The following PXDN variants were observed in gnomAD, a reference collection of about 807,000 sequenced individuals.
The protein encoded by PXDN is peroxidasin.
In PXDN, 77 loss-of-function variants were observed where a neutral mutation model predicts 140.3. The ratio of observed to expected loss-of-function variants is 0.55; its 90% confidence interval spans 0.46 to 0.66. PXDN has a LOEUF of 0.66. Ranked by LOEUF, PXDN falls within the 30% of genes least tolerant of loss-of-function variation. The pLI, the probability that PXDN is intolerant of heterozygous loss-of-function variation, is 0.00. For missense variants in PXDN, 1,838 were observed against 2,039.5 expected (o/e 0.90, Z 1.90); for synonymous variants, 911 against 857.4 (o/e 1.06, Z -1.09).
intron 3 of PXDN, among the ~76,000 whole-genome samples, chr2:1,689,812 A>G (rs1684146626): frequency 6.6e-6 from 1 of 151,620 alleles, no homozygotes; most frequent in South Asian, 2.1e-4. Context: ...GTGAGTATTG[A>G]CCATAATAAT....
Position 1,638,895 on chromosome 2 carries a change from C to T in PXDN, c.4157G>A (p.Arg1386Lys), listed in dbSNP as rs766163476. The change falls in exon 21 of 23, where the codon AGA becomes AAA. Residue 1386 changes from arginine to lysine, a missense_variant. By Grantham distance (26) the Arg-to-Lys change is conservative. Coordinates refer to ENST00000252804, the MANE Select transcript of PXDN (RefSeq NM_012293.3). ...RSDASGTNDF[R>K]EFVLEMQKTI... ...CTTCTGCATTTCCAGAACAAACTCT[C>T]TGAAGTCATTTGTCCCAGATGCATC... 4 of 1,614,044 alleles carry T rather than the reference C, an allele frequency of 2.5e-6. No individual in the cohort carries two copies. Among genetic ancestry groups the T allele is most frequent in the Middle Eastern group, 1.6e-4 (1 of 6,062 alleles).
At chr2:1,698,035 G>C (rs1684337882) in intron 1 of PXDN, among the ~76,000 whole-genome samples, 1 of 152,134 alleles carries the variant, frequency 6.6e-6, no homozygotes, top group African/African-American at 2.4e-5. Context: ...TGAAGCCAAG[G>C]CCAAAGCCCC....
intron 1 of PXDN, among the ~76,000 whole-genome samples, chr2:1,719,455 C>T (rs1232432710): frequency 6.6e-6 from 1 of 152,196 alleles, no homozygotes; most frequent in African/African-American, 2.4e-5. Flanking sequence ...TAAGAGGGGA[C>T]ACTGGCCTTG....
Position 1,648,062 on chromosome 2 carries a change from G to A in PXDN, c.3608+110C>T. 5 of 1,419,308 alleles carry A rather than the reference G, an allele frequency of 3.5e-6. No homozygotes were observed. The highest frequency in any genetic ancestry group is 4.8e-6 in the Non-Finnish European group (5 of 1,036,626). The allele number at this position is 1,419,308 out of a possible 1,614,324, so 87.9% of individuals were successfully genotyped here. ...TGGACTTGACCTTCATCTCACCTCT[G>A]CACGACACGAACAAAACTCACACAC... On this transcript the variant is annotated intron_variant, in intron 17 of 22. Transcript: ENST00000252804. This position sits in a 1 kb window ranked among gnomAD's most constrained non-coding sequence, Gnocchi z 8.9.
chr2:1,672,414 G>A (rs1229931218), intron 9 of PXDN, among the ~76,000 whole-genome samples: 1 of 152,176 alleles, frequency 6.6e-6, no homozygotes, highest in African/African-American at 2.4e-5. Context: ...ATACTTAACA[G>A]TACTACATAA....
intron 1 of PXDN, among the ~76,000 whole-genome samples, chr2:1,729,382 G>T (rs1349113999): frequency 1.3e-5 from 2 of 152,028 alleles, no homozygotes; most frequent in Admixed American, 6.6e-5. Context: ...GCTCCCCAAC[G>T]AAGGTGCATT....
chr2:1,648,911 T>C lies in PXDN; in HGVS notation c.2869A>G (p.Thr957Ala). The C allele has an allele frequency of 6.2e-7, 1 of 1,601,244 alleles. No homozygotes were observed. Among genetic ancestry groups the C allele is most frequent in the Non-Finnish European group, 8.5e-7 (1 of 1,175,202 alleles). The change falls in exon 17 of 23, where the codon ACG (threonine) becomes GCG (alanine). Residue 957 changes from threonine (T) to alanine (A), a missense_variant. Physicochemically the swap from Thr to Ala is moderately conservative, Grantham distance 58. Transcript: ENST00000252804. The surrounding 1 kb of genome is among the most constrained non-coding windows in gnomAD (Gnocchi z 8.9). ...TCGTTCTCGTCCCGCATGCACTCCG[T>C]GGGCGGCCCGGTGGCGAAGGGGAGC... ...PLLPFATGPP[T>A]ECMRDENESP... is the part of the protein sequence containing the mutation.
chr2:1,650,484 AAG>A (rs372385539), intron 16 of PXDN, among the ~76,000 whole-genome samples: 98 of 152,280 alleles, frequency 6.4e-4, no homozygotes, highest in African/African-American at 2.0e-3. Context: ...CCACAGATGA[AAG>A]AGATCTTCCT....
intron 18 of PXDN, among the ~76,000 whole-genome samples, chr2:1,644,072 A>AG (rs1491246781): frequency 1.0e-4 from 1 of 9,994 alleles, no homozygotes; most frequent in East Asian, 2.9e-3. Context: ...ACTCTGTCTC[A>AG]AAAAAAAAAA....
intron 14 of PXDN, among the ~76,000 whole-genome samples, chr2:1,659,377 T>C (rs1683251144): frequency 6.6e-6 from 1 of 152,242 alleles, no homozygotes; most frequent in Non-Finnish European, 1.5e-5. Flanking sequence ...TGGAATGCAA[T>C]ATTTTTATGC....
intron 9 of PXDN, among the ~76,000 whole-genome samples, chr2:1,668,500 T>G (rs1683498547): frequency 6.6e-6 from 1 of 151,678 alleles, no homozygotes; most frequent in Non-Finnish European, 1.5e-5. Context: ...GAAACTATCG[T>G]CAGAGTGAAC....
At chr2:1,667,137 C>T (rs1174707521) in intron 9 of PXDN, among the ~76,000 whole-genome samples, 11 of 151,912 alleles carry the variant, frequency 7.2e-5, no homozygotes, top group Admixed American at 7.2e-4. Context: ...CAAAAGCCAG[C>T]AGAAGACAAG....
intron 3 of PXDN, among the ~76,000 whole-genome samples, chr2:1,691,619 T>C (rs1684185054): frequency 6.6e-6 from 1 of 152,184 alleles, no homozygotes; most frequent in African/African-American, 2.4e-5. Context: ...CACTGGGTCA[T>C]CACTTTCCCC....
chr2:1,681,648 G>A (rs74514286), intron 6 of PXDN, among the ~76,000 whole-genome samples: 2 of 152,110 alleles, frequency 1.3e-5, no homozygotes, highest in Admixed American at 6.5e-5. Context: ...CTGGCCTCAC[G>A]ACCAGAATCA....
intron 21 of PXDN, 122 bp from the exon 22 acceptor site, chr2:1,635,643 A>G: frequency 1.2e-6 from 1 of 806,218 alleles, no homozygotes; most frequent in South Asian, 1.5e-5. Flanking sequence ...TGAGGGGAAT[A>G]TTTCTGAAGA....
intron 1 of PXDN, among the ~76,000 whole-genome samples, chr2:1,715,899 C>T (rs1459850679): frequency 6.6e-6 from 1 of 152,232 alleles, no homozygotes; most frequent in African/African-American, 2.4e-5. Context: ...ATACAGCCCT[C>T]ACCCAGCTGC....
At chr2:1,712,086 A>G (rs1684799278) in intron 1 of PXDN, among the ~76,000 whole-genome samples, 1 of 152,098 alleles carries the variant, frequency 6.6e-6, no homozygotes, top group South Asian at 2.1e-4. Context: ...GGTAAAAAAA[A>G]GCCATTTTTT....
chr2:1,696,839 C>A (rs950834433), intron 1 of PXDN, among the ~76,000 whole-genome samples: 3 of 152,322 alleles, frequency 2.0e-5, no homozygotes, highest in Admixed American at 2.0e-4. Flanking sequence ...ACAGAAAGGG[C>A]AGAGGGTCCA....
At chr2:1,741,320 T>C (rs1232888536) in intron 1 of PXDN, among the ~76,000 whole-genome samples, 1 of 152,138 alleles carries the variant, frequency 6.6e-6, no homozygotes, top group African/African-American at 2.4e-5. Context: ...TGATTCTGTA[T>C]TCAAAAACCA....
Sources: gnomAD v4.1 joint callset for allele counts (sites outside exome capture counted in the v4.1 genomes callset) on GRCh38, gnomAD v4.1.1 for gene constraint, Gnocchi (gnomAD v3.1) non-coding constraint, MANE v1.5 for transcripts, NCBI Gene and HGNC (gene_info 2026-07-23, HGNC 2026-07-21) for gene names.